Variants in MICA observed in about 807,000 individuals in gnomAD.
MICA encodes HLA class I antigen.
In MICA, 18 loss-of-function variants were observed where a neutral mutation model predicts 34.3. The observed-to-expected ratio is 0.52, with a 90% CI of 0.36 to 0.78. The LOEUF (loss-of-function observed/expected upper bound fraction) is 0.78, where lower values mean the gene tolerates loss of function less well. MICA is among the 30% of genes least tolerant of loss of function. The pLI is 0.00. For synonymous variants in MICA, 135 were observed against 156.9 expected (o/e 0.86, Z 1.04); for missense variants, 333 against 409.4 (o/e 0.81, Z 1.61).
rs1771152410 is a variant in MICA, at chr6:31,411,481, C to T, written c.613+122C>T. ...ATGAAGGCATTTCCTGTTGGCACAT[C>T]GTGTCCTGATTTTCCTCTATTGTTA... On this transcript the variant is annotated intron_variant, in intron 3 of 5. Transcript: ENST00000449934. This position sits in a 1 kb window ranked among gnomAD's most constrained non-coding sequence, Gnocchi z 4.3. The T allele has an allele frequency of 9.9e-6, 10 of 1,013,056 alleles. No individual in the cohort carries two copies. The highest frequency in any genetic ancestry group is 1.7e-5 in the South Asian group (1 of 58,662). 62.8% of individuals were successfully genotyped at this position (1,013,056 alleles called of 1,614,324 possible). A position where few individuals can be genotyped will look rare whatever the true frequency, so the allele number is the denominator to read the frequency against.
chr6:31,409,452 T>G (rs1169954699), intron 1 of MICA, among the ~76,000 whole-genome samples: 1 of 151,912 alleles, frequency 6.6e-6, no homozygotes, highest in South Asian at 2.1e-4. Flanking sequence ...GTTGATCATT[T>G]GTAATTTTCT....
intron 1 of MICA, among the ~76,000 whole-genome samples, chr6:31,409,996 C>T (rs556438036): frequency 6.6e-6 from 1 of 151,300 alleles, no homozygotes; most frequent in Non-Finnish European, 1.5e-5. Flanking sequence ...CTCTGGGATA[C>T]TGACCCCACT....
intron 1 of MICA, among the ~76,000 whole-genome samples, chr6:31,408,152 A>T (rs184858240): frequency 1.4e-4 from 22 of 151,926 alleles, no homozygotes; most frequent in Admixed American, 3.9e-4. Flanking sequence ...ACATTGATTG[A>T]TTTGTGTATG....
chr6:31,411,290 G>T lies in MICA; in HGVS notation c.544G>T (p.Ala182Ser), dbSNP rs753096505. The stretch of plus-strand genomic sequence containing the variant: ...CATGAAGACCAAGACACACTATCAC[G>T]CTATGCATGCAGACTGCCTGCAGGA... ...DAMKTKTHYH[A>S]MHADCLQELR... The change falls in exon 3 of 6, where the codon GCT becomes TCT. Residue 182 changes from alanine (A) to serine (S), a missense_variant. Ala to Ser is a moderately conservative substitution (Grantham distance 99). Coordinates refer to ENST00000449934, the MANE Select transcript of MICA (RefSeq NM_001177519.3). This position sits in a 1 kb window ranked among gnomAD's most constrained non-coding sequence, Gnocchi z 4.3. The T allele has an allele frequency of 6.2e-7, 1 of 1,607,840 alleles. No homozygotes were observed. The highest frequency in any genetic ancestry group is 8.5e-7 in the Non-Finnish European group (1 of 1,177,764).
rs759448409 is a variant in MICA at position 31,411,908 on chromosome 6, G to C, written c.614-39G>C. The C allele has an allele frequency of 7.5e-6, 12 of 1,590,980 alleles. No individual in the cohort carries two copies. The highest frequency in any genetic ancestry group is 6.8e-6 in the Non-Finnish European group (8 of 1,169,138). On this transcript the variant is annotated intron_variant, in intron 3 of 5. Coordinates refer to ENST00000449934, the MANE Select transcript of MICA (RefSeq NM_001177519.3). This position sits in a 1 kb window ranked among gnomAD's most constrained non-coding sequence, Gnocchi z 4.3. Reference sequence around the variant, plus strand: ...CCCTGTTCCTCTCCCCTCCTTAGAGGGGAGCAGGGCTTCACTGGCTCTGCC... The same window carrying C: ...CCCTGTTCCTCTCCCCTCCTTAGAGCGGAGCAGGGCTTCACTGGCTCTGCC...
upstream of MICA, chr6:31,403,559 A>C (rs1390587659): frequency 8.0e-7 from 1 of 1,248,560 alleles, no homozygotes; most frequent in Admixed American, 3.2e-5. This position sits in a 1 kb window ranked among gnomAD's most constrained non-coding sequence, Gnocchi z 4.7. Context: ...GGACCGGGCC[A>C]GGTGACTAAG....
intron 5 of MICA, among the ~76,000 whole-genome samples, chr6:31,413,967 T>C (rs1771359866): frequency 6.6e-6 from 1 of 152,076 alleles, no homozygotes; most frequent in Admixed American, 6.6e-5. Context: ...AAGCATATTA[T>C]ATGAAACAGG....
chr6:31,413,742 G>A (rs2256318), intron 5 of MICA, among the ~76,000 whole-genome samples: 28,218 of 151,766 alleles, frequency 0.19, 3,202 homozygotes, highest in Middle Eastern at 0.29. Context: ...GGTCACTCCT[G>A]CTCTCACCTG....
chr6:31,410,802 G>A lies in MICA; in HGVS notation c.325+5G>A. 1.3e-6 allele frequency: 2 copies of A among 1,556,784 alleles called. No individual in the cohort carries two copies. The highest frequency in any genetic ancestry group is 2.4e-5 in the South Asian group (2 of 84,874). ...ATATCAAGGACCAGAAAGAAGGTGA[G>A]AGTCGGCAGGGGCAAGAGTGACTGG... On this transcript the variant is annotated splice_donor_5th_base_variant and intron_variant, in intron 2 of 5. Coordinates refer to ENST00000449934, the MANE Select transcript of MICA (RefSeq NM_001177519.3).
upstream of MICA, among the ~76,000 whole-genome samples, chr6:31,401,116 T>C (rs1770401576): frequency 6.6e-6 from 1 of 151,782 alleles, no homozygotes; most frequent in Non-Finnish European, 1.5e-5. Context: ...GAGGAAGTCC[T>C]GGAGGGAGGG....
In MICA at chr6:31,412,355, A is replaced by C; in HGVS notation, c.923A>C (p.Gln308Pro). 6.3e-7 allele frequency: 1 copy of C among 1,591,680 alleles called. No homozygotes were observed. Among genetic ancestry groups the C allele is most frequent in the Non-Finnish European group, 8.5e-7 (1 of 1,170,794 alleles). The change falls in exon 5 of 6, where the codon CAG (glutamine) becomes CCG (proline). Residue 308 changes from glutamine to proline, a missense_variant. Physicochemically the swap from Gln to Pro is moderately conservative, Grantham distance 76. Coordinates refer to ENST00000449934, the MANE Select transcript of MICA (RefSeq NM_001177519.3). ...GTGCTGGTGCTTCAGAGTCATTGGC[A>C]GACATTCCATGTTTCTGCTGTTGCT... The part of the protein sequence containing the change: ...GKVLVLQSHW[Q>P]TFHVSAVAAG...
chr6:31,414,007 T>C (rs551098091), intron 5 of MICA, among the ~76,000 whole-genome samples: 13 of 152,206 alleles, frequency 8.5e-5, no homozygotes, highest in Non-Finnish European at 1.5e-4. Context: ...TCCTGCGATG[T>C]CCAATAAAGA....
intron 5 of MICA, among the ~76,000 whole-genome samples, chr6:31,414,412 G>C (rs1260343882): frequency 1.3e-5 from 2 of 152,076 alleles, no homozygotes; most frequent in Non-Finnish European, 2.9e-5. Context: ...GGAGAGGCCA[G>C]GCCTCCTCGA....
chr6:31,402,422 G>T (rs1272448849), upstream of MICA, among the ~76,000 whole-genome samples: 2 of 151,834 alleles, frequency 1.3e-5, no homozygotes, highest in Admixed American at 6.6e-5. Context: ...AAATGGGGGT[G>T]GTGCCAGACA....
Position 31,415,112 on chromosome 6 carries a change from G to GTCCACTGGC in MICA, c.*138_*146dup. 1 of 1,186,022 alleles carries GTCCACTGGC rather than the reference G, an allele frequency of 8.4e-7. No homozygotes were observed. The highest frequency in any genetic ancestry group is 1.2e-6 in the Non-Finnish European group (1 of 805,342). 73.5% of individuals were successfully genotyped at this position (1,186,022 alleles called of 1,614,324 possible). On this transcript the variant is annotated 3_prime_UTR_variant, in exon 6 of 6. Transcript: ENST00000449934. The stretch of plus-strand genomic sequence containing the variant: ...TTCAGCCTCTGATGTCAGCTCTTGG[G>GTCCACTGGC]TCCACTGGCTCCACTGAGGGCACCT...
At position 31,415,163 on chromosome 6, in the gene MICA, T is replaced by C; in HGVS notation, c.*181T>C. 1 of 876,938 alleles carries C rather than the reference T, an allele frequency of 1.1e-6. No homozygotes were observed. Among genetic ancestry groups the C allele is most frequent in the Non-Finnish European group, 1.9e-6 (1 of 527,382 alleles). 54.3% of individuals were successfully genotyped at this position (876,938 alleles called of 1,614,324 possible). ...AGACTCTACAGCCAGGCGGCTGGAA[T>C]TGAATTCCCTGCCTGGATCTCACAA... On this transcript the variant is annotated 3_prime_UTR_variant, in exon 6 of 6. Transcript: ENST00000449934.
chr6:31,411,858 G>A lies in MICA; in HGVS notation c.614-89G>A. ...CAGGGGTCCCGGAGGGCTTCAGCCA[G>A]AGTGAGAACAGTGAAGAGAAACAGC... On this transcript the variant is annotated intron_variant, in intron 3 of 5. Transcript: ENST00000449934. The surrounding 1 kb of genome is among the most constrained non-coding windows in gnomAD (Gnocchi z 4.3). 1 of 1,516,700 alleles carries A rather than the reference G, an allele frequency of 6.6e-7. No individual in the cohort carries two copies. Among genetic ancestry groups the A allele is most frequent in the Non-Finnish European group, 8.8e-7 (1 of 1,133,814 alleles). 94.0% of individuals were successfully genotyped at this position (1,516,700 alleles called of 1,614,324 possible).
intron 2 of MICA, 79 bp downstream of exon 2, chr6:31,410,876 T>G: frequency 6.7e-7 from 1 of 1,499,152 alleles, no homozygotes; most frequent in Non-Finnish European, 8.9e-7. Flanking sequence ...GACCTGTCTC[T>G]TCCCACTGGA....
In MICA at chr6:31,407,972, C is replaced by T. The variant is rs752340503; in HGVS notation, c.71-2571C>T. On this transcript the variant is annotated intron_variant, in intron 1 of 5. Coordinates refer to ENST00000449934, the MANE Select transcript of MICA (RefSeq NM_001177519.3). ...CAGTTTTCCCCCATTCAGTATGTTA[C>T]TAGCTGTGAGTTTGTCATATATGGC... 4.9e-4 allele frequency among the ~76,000 whole-genome samples: 75 copies of T among 151,958 alleles called. 1 individual carries two copies. The highest frequency in any genetic ancestry group is 3.4e-3 in the Middle Eastern group (1 of 292).
Sources: allele counts gnomAD v4.1 joint callset (sites outside exome capture counted in the v4.1 genomes callset), GRCh38; gene constraint gnomAD v4.1.1; non-coding constraint Gnocchi (gnomAD v3.1); transcripts MANE v1.5; gene names NCBI Gene and HGNC (gene_info 2026-07-23, HGNC 2026-07-21).